WDR36: variants seen among roughly 807,000 people sequenced by gnomAD.
WDR36 encodes the protein WD repeat-containing protein 36.
In WDR36, 63 loss-of-function variants were observed where a neutral mutation model predicts 112.7. The ratio of observed to expected loss-of-function variants is 0.56; its 90% confidence interval spans 0.46 to 0.69. The LOEUF (loss-of-function observed/expected upper bound fraction) is 0.69. Ranked by LOEUF, WDR36 falls within the 30% of genes least tolerant of loss-of-function variation. The pLI, the probability that WDR36 is intolerant of heterozygous loss-of-function variation, is 0.00. For synonymous variants in WDR36, 410 were observed against 362.2 expected (o/e 1.13, Z -1.50); for missense variants, 1,226 against 1,070.3 (o/e 1.15, Z -2.03).
chr5:111,115,446 G>A (rs1753436799), intron 16 of WDR36, among the ~76,000 whole-genome samples: 1 of 152,120 alleles, frequency 6.6e-6, no homozygotes, highest in Non-Finnish European at 1.5e-5. Flanking sequence ...GAAATTAAGT[G>A]ATTTGCCCAA....
At chr5:111,103,313 T>C (rs1464104638) in intron 6 of WDR36, among the ~76,000 whole-genome samples, 1 of 151,800 alleles carries the variant, frequency 6.6e-6, no homozygotes, top group Admixed American at 6.6e-5. Flanking sequence ...AAAACTTTTT[T>C]TGCCTTTTCA....
Position 111,107,341 on chromosome 5 carries a change from G to A in WDR36, c.1228G>A (p.Gly410Ser), listed in dbSNP as rs539805126. 1.2e-6 allele frequency: 2 copies of A among 1,610,470 alleles called. No individual in the cohort carries two copies. The highest frequency in any genetic ancestry group is 2.2e-5 in the East Asian group (1 of 44,738). The change falls in exon 12 of 23, where the codon GGT (glycine) becomes AGT (serine). Residue 410 changes from glycine to serine, a missense_variant. Transcript: ENST00000513710. Reference protein sequence around the residue: ...DWDGIIACHQGKLSCSTWNYQ... With the variant: ...DWDGIIACHQSKLSCSTWNYQ... The stretch of plus-strand genomic sequence containing the variant: ...GGATGGTATCATTGCTTGCCATCAA[G>A]GTAAGCTATCTTGCTCAACCTGGAA...
At chr5:111,105,988 T>C in intron 10 of WDR36, 69 bp from the exon 11 acceptor site, 1 of 1,246,452 alleles carries the variant, frequency 8.0e-7, no homozygotes, top group Admixed American at 1.7e-5. Flanking sequence ...CTGATAGCTT[T>C]TCTTTTATAT....
chr5:111,111,511 T>C, intron 15 of WDR36: 1 of 445,774 alleles, frequency 2.2e-6, no homozygotes, highest in Non-Finnish European at 4.1e-6. Context: ...TCATTAACTC[T>C]AAACAAGGCC....
At chr5:111,096,782 G>A (rs549419462) in intron 2 of WDR36, among the ~76,000 whole-genome samples, 62 of 152,084 alleles carry the variant, frequency 4.1e-4, no homozygotes, top group Middle Eastern at 6.8e-3. Context: ...TCAAATGACA[G>A]TTTTTTCCAA....
intron 11 of WDR36, among the ~76,000 whole-genome samples, chr5:111,106,900 C>A (rs775658346): frequency 1.3e-5 from 2 of 151,248 alleles, no homozygotes; most frequent in Non-Finnish European, 3.0e-5. Flanking sequence ...TGTTATCCCC[C>A]CCAGGTAATT....
chr5:111,098,825 A>G lies in WDR36; in HGVS notation c.395A>G (p.His132Arg), dbSNP rs752431415. The G allele has an allele frequency of 1.9e-6, 3 of 1,597,072 alleles. No individual in the cohort carries two copies. The highest frequency in any genetic ancestry group is 2.2e-5 in the East Asian group (1 of 44,728). The change falls in exon 4 of 23, where the codon CAC becomes CGC. Residue 132 changes from histidine (H) to arginine (R), a missense_variant. Physicochemically the swap from His to Arg is conservative, Grantham distance 29 (BLOSUM62 0). Transcript: ENST00000513710. Reference sequence around the variant, plus strand: ...ACTGATGGCATTCTTATTATTTGGCACATATATTCAGAAGGTAAGAGTTAA... The same window carrying G: ...ACTGATGGCATTCTTATTATTTGGCGCATATATTCAGAAGGTAAGAGTTAA... Reference protein sequence around the residue: ...VDTDGILIIWHIYSEEEYLQL... With the variant: ...VDTDGILIIWRIYSEEEYLQL...
At chr5:111,109,796 T>A (rs1220310188) in intron 12 of WDR36, among the ~76,000 whole-genome samples, 7 of 151,522 alleles carry the variant, frequency 4.6e-5, no homozygotes, top group Non-Finnish European at 8.9e-5. Flanking sequence ...TTTGGTTTTA[T>A]GTCAGCTGTG....
At chr5:111,108,950 ATAAG>A (rs1293560231) in intron 12 of WDR36, among the ~76,000 whole-genome samples, 1 of 151,344 alleles carries the variant, frequency 6.6e-6, no homozygotes, top group East Asian at 1.9e-4. Flanking sequence ...CTAGTAACCA[ATAAG>A]TAATAAGCAA....
At chr5:111,116,372 G>A (rs1443978791) in intron 16 of WDR36, among the ~76,000 whole-genome samples, 2 of 152,114 alleles carry the variant, frequency 1.3e-5, no homozygotes, top group African/African-American at 4.8e-5. Context: ...AATTGGAATA[G>A]AACATTGTTT....
chr5:111,099,893 T>A (rs1056514470), intron 4 of WDR36, among the ~76,000 whole-genome samples: 2 of 152,064 alleles, frequency 1.3e-5, no homozygotes, highest in African/African-American at 4.8e-5. Flanking sequence ...TACACAAATT[T>A]ACTGGAAAAT....
intron 13 of WDR36, 30 bp from the exon 14 acceptor site, chr5:111,110,758 T>C: frequency 6.3e-7 from 1 of 1,597,850 alleles, no homozygotes; most frequent in East Asian, 2.3e-5. Flanking sequence ...CAATTCTGAT[T>C]TTTTTTTTCT....
intron 12 of WDR36, among the ~76,000 whole-genome samples, chr5:111,108,514 A>G (rs967542389): frequency 1.9e-4 from 28 of 151,120 alleles, no homozygotes; most frequent in African/African-American, 6.8e-4. Flanking sequence ...CTTTTATATA[A>G]TTTTCTAAAC....
chr5:111,125,596 AATTTAATGCAGATGAC>A lies in WDR36; in HGVS notation c.2351-10_2356del, dbSNP rs1561711531. On this transcript the variant is annotated splice_acceptor_variant and splice_polypyrimidine_tract_variant and coding_sequence_variant and intron_variant, in exon 22 of 23. Transcript: ENST00000513710. LOFTEE classifies it high-confidence loss of function. Reference sequence around the variant, plus strand: ...TATAATCAAGTCATAACTGGATTAAAATTTAATGCAGATGACACTGCTCTCAACCTTCTGAAAGAAT... The same window carrying A: ...TATAATCAAGTCATAACTGGATTAAAACTGCTCTCAACCTTCTGAAAGAAT... The A allele has an allele frequency of 6.2e-7, 1 of 1,611,166 alleles. No individual in the cohort carries two copies. The highest frequency in any genetic ancestry group is 1.3e-5 in the African/African-American group (1 of 74,782).
intron 22 of WDR36, among the ~76,000 whole-genome samples, chr5:111,126,283 T>C (rs967144913): frequency 2.0e-5 from 3 of 152,194 alleles, no homozygotes; most frequent in Non-Finnish European, 2.9e-5. Flanking sequence ...CTATCATTAT[T>C]AAAGGAGTTT....
Position 111,119,125 on chromosome 5 carries a change from G to T in WDR36, c.1904+5G>T. 6.3e-7 allele frequency: 1 copy of T among 1,596,048 alleles called. No homozygotes were observed. Among genetic ancestry groups the T allele is most frequent in the Non-Finnish European group, 8.6e-7 (1 of 1,163,762 alleles). The stretch of plus-strand genomic sequence containing the variant: ...CCACCTTGGAATTTATCTATGGTAA[G>T]TTCTTTCATACAGTTCTGTTTTGGG... On this transcript the variant is annotated splice_donor_5th_base_variant and intron_variant, in intron 17 of 22. Transcript: ENST00000513710.
intron 22 of WDR36, 113 bp from the exon 23 acceptor site, chr5:111,126,621 G>A: frequency 8.0e-7 from 1 of 1,251,340 alleles, no homozygotes; most frequent in East Asian, 2.4e-5. Context: ...CAGCGCTTAA[G>A]AAAACAAATA....
intron 1 of WDR36, 70 bp downstream of exon 1, chr5:111,092,688 GTCCGGTTC>G (rs1346103529): frequency 1.3e-6 from 2 of 1,511,058 alleles, no homozygotes; most frequent in Non-Finnish European, 1.8e-6. Flanking sequence ...TCCTGGAGCA[GTCCGGTTC>G]TCCCTTCCCA....
chr5:111,095,804 A>G (rs1390310547), intron 2 of WDR36, among the ~76,000 whole-genome samples: 4 of 152,190 alleles, frequency 2.6e-5, no homozygotes, highest in East Asian at 3.9e-4. Flanking sequence ...TACTGTAAGG[A>G]GAAGTTTTCC....
Sources: gnomAD v4.1 joint callset for allele counts (sites outside exome capture counted in the v4.1 genomes callset) on GRCh38, gnomAD v4.1.1 for gene constraint, MANE v1.5 for transcripts, NCBI Gene and HGNC (gene_info 2026-07-23, HGNC 2026-07-21) for gene names.